The following EIF3M variants were observed in gnomAD, a reference collection of about 807,000 sequenced individuals.
EIF3M encodes B5 receptor.
A neutral mutation model predicts 49.7 loss-of-function variants in EIF3M; 25 were observed. The ratio of observed to expected loss-of-function variants is 0.50; its 90% CI spans 0.37 to 0.70. The LOEUF (loss-of-function observed/expected upper bound fraction) is 0.70. EIF3M is among the 30% of genes least tolerant of loss of function. EIF3M has a pLI of 0.00. For missense variants in EIF3M, 350 were observed against 440.0 expected (o/e 0.80, Z 1.83); for synonymous variants, 156 against 149.8 (o/e 1.04, Z -0.30).
At chr11:32,599,825 A>G (rs948646074) in intron 8 of EIF3M, among the ~76,000 whole-genome samples, 1 of 151,832 alleles carries the variant, frequency 6.6e-6, no homozygotes, top group Non-Finnish European at 1.5e-5. Flanking sequence ...TAGCACTGCT[A>G]TTTTTTGACT....
rs768823540 is a variant in EIF3M, at chr11:32,583,941, T to G, written c.42+12T>G. The G allele has an allele frequency of 1.2e-6, 2 of 1,613,798 alleles. No individual in the cohort carries two copies. The highest frequency in any genetic ancestry group is 1.7e-5 in the Admixed American group (1 of 60,010). On this transcript the variant is annotated intron_variant, in intron 1 of 10. Transcript: ENST00000531120. ...GTGAAGAAGATCAGGTGTGCTTCGG[T>G]CTACGGGTGCCGCCACGGTGGGGTG...
chr11:32,586,097 C>T (rs929902870), intron 1 of EIF3M, among the ~76,000 whole-genome samples: 1 of 152,092 alleles, frequency 6.6e-6, no homozygotes, highest in South Asian at 2.1e-4. Context: ...GGCATGGTGG[C>T]GCATGCCTGT....
chr11:32,599,655 T>C (rs1301178629), intron 8 of EIF3M, among the ~76,000 whole-genome samples: 1 of 151,974 alleles, frequency 6.6e-6, no homozygotes, highest in Non-Finnish European at 1.5e-5. Context: ...CTAGATTAGT[T>C]TTAGAAACTT....
At chr11:32,584,444 A>T (rs1854960507) in intron 1 of EIF3M, among the ~76,000 whole-genome samples, 1 of 151,310 alleles carries the variant, frequency 6.6e-6, no homozygotes, top group Admixed American at 6.6e-5. Flanking sequence ...TGTCTCTATT[A>T]AAAATACAAA....
rs760813548 is a variant in EIF3M at position 32,588,711 on chromosome 11, G to T, written c.293G>T (p.Arg98Leu). 1.2e-6 allele frequency: 2 copies of T among 1,614,118 alleles called. No individual in the cohort carries two copies. Among genetic ancestry groups the T allele is most frequent in the East Asian group, 4.5e-5 (2 of 44,888 alleles). Residue 98 changes from arginine (R) to leucine (L), a missense_variant, in exon 3 of 11, where the codon CGC (arginine) becomes CTC (leucine). Arg to Leu is a moderately radical substitution (Grantham distance 102). Transcript: ENST00000531120. ...EKLVKFREGE[R>L]PSLRLQLLSN... is the part of the protein sequence containing the mutation. ...CTGGTCAAATTTCGCGAAGGTGAAC[G>T]CCCGTCTCTGAGACTGCAGTTGTAA...
At chr11:32,592,571 C>T in intron 5 of EIF3M, 3 of 542,686 alleles carry the variant, frequency 5.5e-6, no homozygotes, top group Non-Finnish European at 1.1e-5. Flanking sequence ...TTGCTGCATC[C>T]ACCTCTTCAA....
rs139971850 is a variant in EIF3M, at chr11:32,602,354, T to C, written c.1080T>C (p.Asn360=). Residue 360 remains asparagine (N), a synonymous_variant, in exon 11 of 11, where the codon AAT becomes AAC. Coordinates refer to ENST00000531120, the MANE Select transcript of EIF3M (RefSeq NM_006360.6). ...LYDTLNAWKQ[N]LNKVKNSLLS... is the part of the protein sequence containing the mutation. ...ACACACTTAATGCCTGGAAACAAAA[T>C]CTGAACAAAGTGAAAAACAGCCTTT... is the stretch of plus-strand genomic sequence containing the variant. 3 of 1,612,566 alleles carry C rather than the reference T, an allele frequency of 1.9e-6. No individual in the cohort carries two copies. The highest frequency in any genetic ancestry group is 2.5e-6 in the Non-Finnish European group (3 of 1,179,056).
At chr11:32,597,034 G>T (rs902797723) in intron 8 of EIF3M, among the ~76,000 whole-genome samples, 3 of 152,084 alleles carry the variant, frequency 2.0e-5, no homozygotes, top group African/African-American at 7.2e-5. Flanking sequence ...ATCAACAATC[G>T]GGTGTTTGGA....
intron 6 of EIF3M, chr11:32,594,519 A>G (rs1315290523): frequency 6.4e-6 from 1 of 157,180 alleles, no homozygotes; most frequent in African/African-American, 2.4e-5. Context: ...CCACCTCTTA[A>G]TGAGCACTTC....
At chr11:32,601,663 A>AAAG in intron 9 of EIF3M, 99 bp from the exon 10 acceptor site, 1 of 1,120,188 alleles carries the variant, frequency 8.9e-7, no homozygotes, top group Non-Finnish European at 1.3e-6. Flanking sequence ...AAAACAGTAT[A>AAAG]AAGTTTTATT....
intron 1 of EIF3M, among the ~76,000 whole-genome samples, chr11:32,586,721 A>C (rs1188572702): frequency 6.6e-6 from 1 of 152,214 alleles, no homozygotes; most frequent in Non-Finnish European, 1.5e-5. Flanking sequence ...ATTATCAAAA[A>C]GATTTTTGCT....
At chr11:32,587,525 T>C (rs553745005) in intron 2 of EIF3M, among the ~76,000 whole-genome samples, 8 of 152,366 alleles carry the variant, frequency 5.3e-5, no homozygotes, top group Admixed American at 5.2e-4. Flanking sequence ...CCTTCACACA[T>C]GCTTTCAGTT....
At position 32,603,433 on chromosome 11, in the gene EIF3M, ATT is replaced by A. The variant is rs72178300; in HGVS notation, c.*1036_*1037del. On this transcript the variant is annotated 3_prime_UTR_variant, in exon 11 of 11. Coordinates refer to ENST00000531120, the MANE Select transcript of EIF3M (RefSeq NM_006360.6). ...TCTGATGTTAAAATACTTACTGGAA[ATT>A]TAGAAAATAGAGTAAAGTAGAAAGA... is the stretch of plus-strand genomic sequence containing the variant. 24,449 of 154,528 alleles carry A rather than the reference ATT, an allele frequency of 0.16. 2,041 individuals are homozygous for A. The highest frequency in any genetic ancestry group is 0.27 in the South Asian group (1,324 of 4,882). 9.6% of individuals were successfully genotyped at this position (154,528 alleles called of 1,614,324 possible). A position where few individuals can be genotyped will look rare whatever the true frequency, so the allele number is the denominator to read the frequency against.
At chr11:32,602,248 C>G in intron 10 of EIF3M, 31 bp from the exon 11 acceptor site, 1 of 1,601,318 alleles carries the variant, frequency 6.2e-7, no homozygotes, top group South Asian at 1.1e-5. Flanking sequence ...AAAAGGTTGA[C>G]TAACACTGTG....
intron 2 of EIF3M, among the ~76,000 whole-genome samples, chr11:32,588,011 C>T (rs2133193741): frequency 6.6e-6 from 1 of 152,240 alleles, no homozygotes; most frequent in African/African-American, 2.4e-5. Context: ...TAAATCATAC[C>T]AGTAACTTCC....
At chr11:32,585,963 C>T (rs1854991229) in intron 1 of EIF3M, among the ~76,000 whole-genome samples, 1 of 152,132 alleles carries the variant, frequency 6.6e-6, no homozygotes, top group South Asian at 2.1e-4. Context: ...AGCACGGTGG[C>T]TCACGCCTAT....
At chr11:32,585,921 A>G (rs1005231513) in intron 1 of EIF3M, among the ~76,000 whole-genome samples, 24 of 151,972 alleles carry the variant, frequency 1.6e-4, no homozygotes, top group Non-Finnish European at 2.6e-4. Flanking sequence ...CCTGTTGCAC[A>G]TCCTCATTTT....
rs1272808688 is a variant in EIF3M at position 32,589,651 on chromosome 11, AG to A, written c.533+11del. On this transcript the variant is annotated intron_variant, in intron 5 of 10. Coordinates refer to ENST00000531120, the MANE Select transcript of EIF3M (RefSeq NM_006360.6). ...TGGATTGTAAGAAGAGGTATTCAAAAGTAATGAACTAACATATCACTTAACA... is the reference window on the plus strand; with the variant it reads ...TGGATTGTAAGAAGAGGTATTCAAAATAATGAACTAACATATCACTTAACA... 1 of 1,607,918 alleles carries A rather than the reference AG, an allele frequency of 6.2e-7. No homozygotes were observed. The highest frequency in any genetic ancestry group is 8.5e-7 in the Non-Finnish European group (1 of 1,176,328).
At chr11:32,600,633 G>T in intron 8 of EIF3M, 56 bp from the exon 9 acceptor site, 1 of 1,460,526 alleles carries the variant, frequency 6.8e-7, no homozygotes, top group Non-Finnish European at 9.1e-7. Context: ...AGATGTAATT[G>T]TGCAGGTCTT....
Sources: gnomAD v4.1 joint callset for allele counts (sites outside exome capture counted in the v4.1 genomes callset) on GRCh38, gnomAD v4.1.1 for gene constraint, MANE v1.5 for transcripts, NCBI Gene and HGNC (gene_info 2026-07-23, HGNC 2026-07-21) for gene names.